The following LAMTOR5 variants were observed in gnomAD, a reference collection of about 807,000 sequenced individuals.
The protein encoded by LAMTOR5 is late endosomal/lysosomal adaptor, MAPK and MTOR activator 5.
In LAMTOR5, 8 loss-of-function variants were observed where a neutral mutation model predicts 12.1. The observed-to-expected ratio is 0.66, with a 90% CI of 0.39 to 1.19. The LOEUF is 1.19. LAMTOR5 is among the 50% of genes most tolerant of loss of function. LAMTOR5 has a pLI of 0.01. For missense variants in LAMTOR5, 110 were observed against 112.8 expected, an observed-to-expected ratio of 0.97 and a Z score of 0.11; for synonymous variants, 37 against 41.9, an observed-to-expected ratio of 0.88 and a Z score of 0.45.
At chr1:110,404,841 A>C (rs562936159) in intron 2 of LAMTOR5, among the ~76,000 whole-genome samples, 1 of 152,088 alleles carries the variant, frequency 6.6e-6, no homozygotes, top group African/African-American at 2.4e-5. Flanking sequence ...TGAGATAAGG[A>C]GTTCGAGACC....
Position 110,401,382 on chromosome 1 carries a change from TTGAC to T in LAMTOR5, c.*137_*140del. 1 of 767,272 alleles carries T rather than the reference TTGAC, an allele frequency of 1.3e-6. No homozygotes were observed. The highest frequency in any genetic ancestry group is 2.8e-5 in the East Asian group (1 of 36,058). 47.5% of individuals were successfully genotyped at this position (767,272 alleles called of 1,614,324 possible). The stretch of plus-strand genomic sequence containing the variant: ...CGGTCCATAGAGCATTAGAAAGCAA[TTGAC>T]TCTTAAATAAACAGAAAAGTGCCTA... On this transcript the variant is annotated 3_prime_UTR_variant, in exon 4 of 4. Coordinates refer to ENST00000602318, the MANE Select transcript of LAMTOR5 (RefSeq NM_001382293.1).
chr1:110,407,042 G>A lies in LAMTOR5; in HGVS notation c.35+544C>T, dbSNP rs750793749. 25 of 698,622 alleles carry A rather than the reference G, an allele frequency of 3.6e-5. No homozygotes were observed. In the South Asian group the frequency reaches 3.6e-4, roughly 10 times the overall value. 43.3% of individuals were successfully genotyped at this position (698,622 alleles called of 1,614,324 possible). ...GAAAAACTCAAGTTACCTCCTGGAG[G>A]GTAAGTGGAAGCTGAGGGACATCGG... On this transcript the variant is annotated intron_variant, in intron 1 of 3. Coordinates refer to ENST00000602318, the MANE Select transcript of LAMTOR5 (RefSeq NM_001382293.1).
rs569758436 is a variant in LAMTOR5 at position 110,407,172 on chromosome 1, G to A, written c.35+414C>T. Reference sequence around the variant, plus strand: ...TAAAGAATGATTTTTATCTACTTAAGCACCAAGTAACTGATAGGTTACACA... The same window carrying A: ...TAAAGAATGATTTTTATCTACTTAAACACCAAGTAACTGATAGGTTACACA... On this transcript the variant is annotated intron_variant, in intron 1 of 3. Transcript: ENST00000602318. 1.8e-5 allele frequency: 11 copies of A among 604,838 alleles called. No homozygotes were observed. In the South Asian group the frequency reaches 1.8e-4, roughly 10 times the overall value. The allele number at this position is 604,838 out of a possible 1,614,324, so 37.5% of individuals were successfully genotyped here. A position where few individuals can be genotyped will look rare whatever the true frequency, so the allele number is the denominator to read the frequency against.
At chr1:110,407,441 G>A in intron 1 of LAMTOR5, 145 bp downstream of exon 1, 3 of 1,037,964 alleles carry the variant, frequency 2.9e-6, no homozygotes, top group Non-Finnish European at 4.1e-6. Flanking sequence ...GCCTTGGGTA[G>A]AGTTTAGCCC....
chr1:110,401,492 A>G lies in LAMTOR5; in HGVS notation c.*31T>C. Reference sequence around the variant, plus strand: ...TTAACATAGGTAGGATCCAGTTCCTATGACAGGCTGCTGAAGAACAGATAT... The same window carrying G: ...TTAACATAGGTAGGATCCAGTTCCTGTGACAGGCTGCTGAAGAACAGATAT... On this transcript the variant is annotated 3_prime_UTR_variant, in exon 4 of 4. Transcript: ENST00000602318. The G allele has an allele frequency of 6.3e-7, 1 of 1,594,338 alleles. No homozygotes were observed. Among genetic ancestry groups the G allele is most frequent in the Non-Finnish European group, 8.6e-7 (1 of 1,164,106 alleles).
At position 110,403,050 on chromosome 1, in the gene LAMTOR5, G is replaced by A. The variant is rs115445041; in HGVS notation, c.215+869C>T. Among the ~76,000 whole-genome samples, 1,214 of 152,108 alleles carry A rather than the reference G, an allele frequency of 8.0e-3. 27 individuals carry two copies. Among genetic ancestry groups the A allele is most frequent in the African/African-American group, 0.028 (1,160 of 41,498 alleles). ...TGTTATAACTGCCTACATTATTTAG[G>A]CTACAAATCTTTGTAGTCTAAGAGC... is the stretch of plus-strand genomic sequence containing the variant. On this transcript the variant is annotated intron_variant, in intron 3 of 3. Transcript: ENST00000602318.
At chr1:110,402,088 G>A (rs113629888) in intron 3 of LAMTOR5, among the ~76,000 whole-genome samples, 1,824 of 152,172 alleles carry the variant, frequency 0.012, 49 homozygotes, top group African/African-American at 0.042. Flanking sequence ...CCTTTTAACC[G>A]TCCCAGCATC....
intron 3 of LAMTOR5, 27 bp downstream of exon 3, chr1:110,403,892 G>C: frequency 6.2e-7 from 1 of 1,609,496 alleles, no homozygotes; most frequent in Non-Finnish European, 8.5e-7. Flanking sequence ...TGAACAAAAA[G>C]GAAAGGATCT....
chr1:110,401,333 C>A lies in LAMTOR5; in HGVS notation c.*190G>T. 2.2e-6 allele frequency: 1 copy of A among 460,704 alleles called. No homozygotes were observed. Among genetic ancestry groups the A allele is most frequent in the Non-Finnish European group, 3.8e-6 (1 of 265,248 alleles). 28.5% of individuals were successfully genotyped at this position (460,704 alleles called of 1,614,324 possible). ...GGACCTGCTGCTTCAAAACATGATC[C>A]TTTCTTACTAATATCTTGATAGTCG... On this transcript the variant is annotated 3_prime_UTR_variant, in exon 4 of 4. Coordinates refer to ENST00000602318, the MANE Select transcript of LAMTOR5 (RefSeq NM_001382293.1).
chr1:110,404,082 T>C, intron 2 of LAMTOR5, 46 bp from the exon 3 acceptor site: 1 of 1,598,278 alleles, frequency 6.3e-7, no homozygotes, highest in Non-Finnish European at 8.5e-7. Context: ...TCATAGAGTA[T>C]TTCTGCTAAA....
At chr1:110,401,947 C>A (rs1663238884) in intron 3 of LAMTOR5, among the ~76,000 whole-genome samples, 1 of 152,148 alleles carries the variant, frequency 6.6e-6, no homozygotes, top group South Asian at 2.1e-4. Context: ...CTTTACTGGT[C>A]TTTGTTTTCT....
chr1:110,407,917 C>CG, upstream of LAMTOR5: 2 of 1,572,178 alleles, frequency 1.3e-6, no homozygotes, highest in Non-Finnish European at 1.7e-6. Context: ...GGTCTGCAGC[C>CG]GGGCCTCAGT....
In LAMTOR5 at chr1:110,407,662, C is replaced by T. The variant is rs751837851; in HGVS notation, c.-42G>A. On this transcript the variant is annotated 5_prime_UTR_variant, in exon 1 of 4. Transcript: ENST00000602318. ...TCCGGCTCAGAACCCAGCGGCACGG[C>T]ACGTCCTTCTCCACCACAGGCCTCA... The T allele has an allele frequency of 4.3e-6, 7 of 1,614,110 alleles. No individual in the cohort carries two copies. The Admixed American group carries it at 6.7e-5, about 15-fold the overall frequency.
chr1:110,403,975 A>T lies in LAMTOR5; in HGVS notation c.159T>A (p.Ala53=), dbSNP rs1309361356. Residue 53 remains alanine (A), a synonymous_variant, in exon 3 of 4, where the codon GCT becomes GCA. Coordinates refer to ENST00000602318, the MANE Select transcript of LAMTOR5 (RefSeq NM_001382293.1). ...TATCAGTGGGGTCAGAGGTTAGCTT[A>T]GCTGCTTGCTGGGCTAGAACAGATA... The part of the protein sequence containing the change: ...GVISVLAQQA[A]KLTSDPTDIP... The T allele has an allele frequency of 3.7e-6, 6 of 1,614,118 alleles. No homozygotes were observed. The African/African-American group carries it at 8.0e-5, about 22-fold the overall frequency.
chr1:110,405,332 T>A (rs967990574), intron 2 of LAMTOR5, among the ~76,000 whole-genome samples: 95 of 152,064 alleles, frequency 6.2e-4, no homozygotes, highest in African/African-American at 2.2e-3. Flanking sequence ...GGCTAATTTT[T>A]TTTTGCATTT....
chr1:110,403,750 C>T (rs1663271570), intron 3 of LAMTOR5, 169 bp downstream of exon 3: 1 of 941,222 alleles, frequency 1.1e-6, no homozygotes, highest in Admixed American at 3.4e-5. Flanking sequence ...GGCCTGAGAG[C>T]ACATTAGCTT....
chr1:110,406,238 G>A (rs1663325679), intron 2 of LAMTOR5, 80 bp downstream of exon 2: 1 of 957,376 alleles, frequency 1.0e-6, no homozygotes, highest in Middle Eastern at 2.7e-4. Flanking sequence ...ATAAAAGCTA[G>A]AAAATAATAG....
rs1802101 is a variant in LAMTOR5 at position 110,403,957 on chromosome 1, G to A, written c.177C>T (p.Pro59=). 6.2e-7 allele frequency: 1 copy of A among 1,614,156 alleles called. No individual in the cohort carries two copies. The highest frequency in any genetic ancestry group is 1.1e-5 in the South Asian group (1 of 91,080). The change falls in exon 3 of 4, where the codon CCC becomes CCT. Residue 59 remains proline, a synonymous_variant. Transcript: ENST00000602318. ...CTAGACACACCACAGGAATATCAGT[G>A]GGGTCAGAGGTTAGCTTAGCTGCTT... is the stretch of plus-strand genomic sequence containing the variant. ...AQQAAKLTSD[P]TDIPVVCLES...
chr1:110,404,268 CAA>C (rs111648916), intron 2 of LAMTOR5, among the ~76,000 whole-genome samples: 26,206 of 152,084 alleles, frequency 0.17, 2,261 homozygotes, highest in East Asian at 0.21. Flanking sequence ...AAAGGCAACA[CAA>C]AGTTAACTGT....
Sources: allele counts gnomAD v4.1 joint callset (sites outside exome capture counted in the v4.1 genomes callset), GRCh38; gene constraint gnomAD v4.1.1; transcripts MANE v1.5; gene names NCBI Gene and HGNC (gene_info 2026-07-23, HGNC 2026-07-21).